Variants in AGK observed in about 807,000 individuals in gnomAD.
AGK encodes the protein acylglycerol kinase.
In AGK, 52 loss-of-function variants were observed where a neutral mutation model predicts 66.4. That is an observed-to-expected ratio of 0.78 (90% CI 0.63 to 0.99). AGK has a LOEUF of 0.99. Among genes scored for constraint, AGK ranks in the 50% least tolerant of loss-of-function variants. The probability of loss-of-function intolerance (pLI) is 0.00; values close to 1 mark genes in which losing one functional copy is unlikely to be tolerated. For synonymous variants in AGK, 182 were observed against 181.1 expected (o/e 1.00, Z -0.04); for missense variants, 451 against 506.6 (o/e 0.89, Z 1.05).
At chr7:141,575,056 C>G (rs1298577517) in intron 2 of AGK, among the ~76,000 whole-genome samples, 1 of 152,146 alleles carries the variant, frequency 6.6e-6, no homozygotes, top group Non-Finnish European at 1.5e-5. Flanking sequence ...TTTTCCTAAA[C>G]CCACTTGCAG....
chr7:141,565,574 G>A (rs1287537084), intron 2 of AGK, among the ~76,000 whole-genome samples: 4 of 151,938 alleles, frequency 2.6e-5, no homozygotes, highest in African/African-American at 9.7e-5. Flanking sequence ...CCAGGAGGCG[G>A]AGGCTGCAGT....
chr7:141,654,324 A>G lies in AGK; in HGVS notation c.*1400A>G, dbSNP rs1377704093. ...AATACATGAATGTGATTTACAGCTG[A>G]GATGGGGTTCAACCTCAGCTGTATT... On this transcript the variant is annotated 3_prime_UTR_variant, in exon 16 of 16. Transcript: ENST00000649286. 1.3e-5 allele frequency: 2 copies of G among 152,208 alleles called. No homozygotes were observed. The highest frequency in any genetic ancestry group is 2.9e-5 in the Non-Finnish European group (2 of 68,032). 9.4% of individuals were successfully genotyped at this position (152,208 alleles called of 1,614,324 possible).
intron 2 of AGK, among the ~76,000 whole-genome samples, chr7:141,587,033 C>T (rs1043209158): frequency 4.6e-5 from 7 of 152,182 alleles, no homozygotes; most frequent in Non-Finnish European, 1.0e-4. Context: ...GGTTCTCACC[C>T]CACCTCGGAT....
At chr7:141,583,566 G>GC (rs200377932) in intron 2 of AGK, among the ~76,000 whole-genome samples, 1,813 of 151,818 alleles carry the variant, frequency 0.012, 18 homozygotes, top group Non-Finnish European at 0.02. Flanking sequence ...GGGGGTGCTT[G>GC]CCCCCCAAAA....
chr7:141,624,155 ATGT>A (rs762870317), intron 9 of AGK, among the ~76,000 whole-genome samples: 2 of 152,106 alleles, frequency 1.3e-5, no homozygotes, highest in Non-Finnish European at 2.9e-5. Context: ...AAAGAGATTA[ATGT>A]TGTTTTCTTG....
chr7:141,634,482 A>G (rs879308307), intron 10 of AGK, among the ~76,000 whole-genome samples: 15 of 152,296 alleles, frequency 9.8e-5, no homozygotes, highest in Admixed American at 4.6e-4. Context: ...GTGCTGTGAG[A>G]TGGGAGAAAC....
At chr7:141,562,130 T>C in intron 2 of AGK, 2 of 455,316 alleles carry the variant, frequency 4.4e-6, no homozygotes, top group South Asian at 3.1e-5. Flanking sequence ...GCTGGCTTTC[T>C]TGAATGCTGG....
intron 2 of AGK, among the ~76,000 whole-genome samples, chr7:141,574,516 A>G (rs935555655): frequency 1.3e-5 from 2 of 152,236 alleles, no homozygotes; most frequent in Non-Finnish European, 2.9e-5. Flanking sequence ...AAAGTGAGCT[A>G]TGAAGACAGG....
rs1483263306 is a variant in AGK at position 141,598,123 on chromosome 7, T to A, written c.221+1482T>A. ...TTTCTTGAGAGGCAGTGAGTGTGAC[T>A]TCACAGACAGGAGGACACATCCTGC... On this transcript the variant is annotated intron_variant, in intron 4 of 15. Coordinates refer to ENST00000649286, the MANE Select transcript of AGK (RefSeq NM_018238.4). The surrounding 1 kb of genome is among the most constrained non-coding windows in gnomAD (Gnocchi z 4.2). 6.6e-6 allele frequency among the ~76,000 whole-genome samples: 1 copy of A among 152,098 alleles called. No homozygotes were observed. The highest frequency in any genetic ancestry group is 1.5e-5 in the Non-Finnish European group (1 of 68,026).
chr7:141,605,600 G>A (rs1363390523), intron 5 of AGK, among the ~76,000 whole-genome samples: 1 of 152,174 alleles, frequency 6.6e-6, no homozygotes, highest in Non-Finnish European at 1.5e-5. Context: ...TTAATTTTCA[G>A]TGGCAGGGTA....
At chr7:141,652,619 C>A in intron 15 of AGK, 168 bp from the exon 16 acceptor site, 1 of 581,800 alleles carries the variant, frequency 1.7e-6, no homozygotes, top group East Asian at 2.8e-5. Context: ...CAGCACTGTG[C>A]CCATCGTAGT....
At chr7:141,604,255 TA>T (rs1796400903) in intron 5 of AGK, among the ~76,000 whole-genome samples, 1 of 151,464 alleles carries the variant, frequency 6.6e-6, no homozygotes, top group Non-Finnish European at 1.5e-5. Context: ...TACAGGAATA[TA>T]CAAATTCCCA....
chr7:141,630,536 TA>T (rs1365668562), intron 9 of AGK, among the ~76,000 whole-genome samples: 1 of 152,016 alleles, frequency 6.6e-6, no homozygotes, highest in African/African-American at 2.4e-5. Flanking sequence ...ATTTATCAAT[TA>T]AAAATAATAA....
chr7:141,582,964 G>A (rs1795913263), intron 2 of AGK, among the ~76,000 whole-genome samples: 1 of 151,764 alleles, frequency 6.6e-6, no homozygotes, highest in South Asian at 2.1e-4. Context: ...GGGACTGAGG[G>A]GACAGGCAGG....
chr7:141,611,051 G>T, intron 5 of AGK, 144 bp from the exon 6 acceptor site: 1 of 532,448 alleles, frequency 1.9e-6, no homozygotes, highest in Non-Finnish European at 3.4e-6. Context: ...TGCTTTGATA[G>T]CTATTTTTTT....
At position 141,626,328 on chromosome 7, in the gene AGK, A is replaced by G. The variant is rs147600451; in HGVS notation, c.588+4527A>G. 5.3e-5 allele frequency among the ~76,000 whole-genome samples: 8 copies of G among 152,248 alleles called. No individual in the cohort carries two copies. The East Asian group carries it at 1.3e-3, about 26-fold the overall frequency. On this transcript the variant is annotated intron_variant, in intron 9 of 15. Coordinates refer to ENST00000649286, the MANE Select transcript of AGK (RefSeq NM_018238.4). ...TTGCCAGCTTGTAAATGCAGAAGGA[A>G]TGATAGAAAATCGCCATTTTTTAAA...
intron 4 of AGK, among the ~76,000 whole-genome samples, chr7:141,600,236 T>A (rs1189561133): frequency 1.3e-5 from 2 of 152,144 alleles, no homozygotes; most frequent in Non-Finnish European, 2.9e-5. Context: ...ATGTAATAGT[T>A]GAAATATTTG....
At position 141,652,825 on chromosome 7, in the gene AGK, T is replaced by A; in HGVS notation, c.1170T>A (p.Tyr390Ter). The change falls in exon 16 of 16, where the codon TAT becomes TAA. Residue 390 changes from tyrosine (Y) to a stop codon, truncating the protein, a stop_gained. Transcript: ENST00000649286. LOFTEE classifies it high-confidence loss of function. ...GGSFSIDSEE[Y>*]EAMPVEVKLL... ...CTTTTAGCATTGACAGTGAGGAGTA[T>A]GAAGCGATGCCTGTGGAGGTGAAAC... is the stretch of plus-strand genomic sequence containing the variant. 6 of 1,613,924 alleles carry A rather than the reference T, an allele frequency of 3.7e-6. No homozygotes were observed. The highest frequency in any genetic ancestry group is 5.1e-6 in the Non-Finnish European group (6 of 1,179,996).
chr7:141,554,010 C>CCCACCAAT (rs1157951634), intron 1 of AGK, among the ~76,000 whole-genome samples: 1 of 151,972 alleles, frequency 6.6e-6, no homozygotes, highest in African/African-American at 2.4e-5. Flanking sequence ...ATAAACATCA[C>CCCACCAAT]CCACCATTCC....
Sources: allele counts gnomAD v4.1 joint callset (sites outside exome capture counted in the v4.1 genomes callset), GRCh38; gene constraint gnomAD v4.1.1; non-coding constraint Gnocchi (gnomAD v3.1); transcripts MANE v1.5; gene names NCBI Gene and HGNC (gene_info 2026-07-23, HGNC 2026-07-21).